Variants in ASZ1 observed in about 807,000 individuals in gnomAD.
ASZ1 encodes ankyrin repeat, SAM and basic leucine zipper domain-containing protein 1.
A neutral mutation model predicts 61.8 loss-of-function variants in ASZ1; 67 were observed. That is an observed-to-expected ratio of 1.08 (90% CI 0.89 to 1.33). The LOEUF (loss-of-function observed/expected upper bound fraction) is 1.33. Ranked by LOEUF, ASZ1 falls within the 40% of genes most tolerant of loss-of-function variation. ASZ1 has a pLI of 0.00. For missense variants in ASZ1, 577 were observed against 554.5 expected, an observed-to-expected ratio of 1.04 and a Z score of -0.41; for synonymous variants, 193 against 192.7, an observed-to-expected ratio of 1.00 and a Z score of -0.01.
chr7:117,414,077 T>C (rs1445154857), intron 4 of ASZ1, among the ~76,000 whole-genome samples: 1 of 152,002 alleles, frequency 6.6e-6, no homozygotes, highest in Non-Finnish European at 1.5e-5. Flanking sequence ...TGAAAGATAT[T>C]GAGGATACAG....
Position 117,384,751 on chromosome 7 carries a change from A to T in ASZ1, c.662T>A (p.Ile221Asn). The change falls in exon 6 of 13, where the codon ATT becomes AAT. Residue 221 changes from isoleucine to asparagine, a missense_variant. Coordinates refer to ENST00000284629, the MANE Select transcript of ASZ1 (RefSeq NM_130768.3). ...CTCATGATGTTTGTTTCTTTTTGCA[A>T]TCTCACTTGGCATCTTTCCATCTTT... is the stretch of plus-strand genomic sequence containing the variant. ...QTKDGKMPSE[I>N]AKRNKHHEIF... The T allele has an allele frequency of 1.2e-6, 2 of 1,612,104 alleles. No individual in the cohort carries two copies. Among genetic ancestry groups the T allele is most frequent in the Non-Finnish European group, 1.7e-6 (2 of 1,179,126 alleles).
intron 5 of ASZ1, 145 bp from the exon 6 acceptor site, chr7:117,385,005 A>G (rs1449635007): frequency 1.3e-6 from 1 of 774,338 alleles, no homozygotes; most frequent in African/African-American, 1.8e-5. Context: ...ATTTTACAAT[A>G]TAATGTAAAC....
intron 4 of ASZ1, among the ~76,000 whole-genome samples, chr7:117,392,695 C>T (rs913994765): frequency 3.3e-5 from 5 of 151,938 alleles, no homozygotes; most frequent in African/African-American, 4.8e-5. Context: ...TTTAATTTGC[C>T]GATAAATGAA....
chr7:117,364,966 C>CTG (rs1554359230), intron 12 of ASZ1, among the ~76,000 whole-genome samples: 22 of 152,246 alleles, frequency 1.4e-4, no homozygotes, highest in African/African-American at 5.3e-4. Flanking sequence ...CACCCTCTCT[C>CTG]TGTTACCTCC....
intron 4 of ASZ1, among the ~76,000 whole-genome samples, chr7:117,407,401 C>T (rs1471445588): frequency 1.3e-5 from 2 of 150,004 alleles, no homozygotes; most frequent in Non-Finnish European, 3.0e-5. Context: ...ACTGATAGAA[C>T]ACGGAAGTAA....
chr7:117,370,001 A>G (rs1417062406), intron 10 of ASZ1, among the ~76,000 whole-genome samples: 1 of 152,140 alleles, frequency 6.6e-6, no homozygotes, highest in East Asian at 1.9e-4. Flanking sequence ...CCTAGTACAT[A>G]GCTGGTGTTC....
At chr7:117,385,568 C>G (rs1279509156) in intron 5 of ASZ1, 130 bp downstream of exon 5, 1 of 757,710 alleles carries the variant, frequency 1.3e-6, no homozygotes, top group African/African-American at 1.8e-5. Flanking sequence ...TCTATTTCAA[C>G]TGTTGCTTTT....
At chr7:117,399,800 G>T (rs1796645802) in intron 4 of ASZ1, among the ~76,000 whole-genome samples, 1 of 152,002 alleles carries the variant, frequency 6.6e-6, no homozygotes, top group African/African-American at 2.4e-5. Flanking sequence ...GTTTCAGAAT[G>T]CCGTAAATAT....
chr7:117,399,038 G>A (rs751311467), intron 4 of ASZ1, among the ~76,000 whole-genome samples: 28 of 152,122 alleles, frequency 1.8e-4, no homozygotes, highest in Admixed American at 1.7e-3. Context: ...AAACCAGACT[G>A]GGCAACATAG....
chr7:117,370,939 C>A (rs1400665969), intron 10 of ASZ1, among the ~76,000 whole-genome samples: 1 of 151,766 alleles, frequency 6.6e-6, no homozygotes, highest in Non-Finnish European at 1.5e-5. Context: ...ATTCTCATGC[C>A]TCAGCCACCT....
intron 4 of ASZ1, among the ~76,000 whole-genome samples, chr7:117,410,431 T>G (rs1796868129): frequency 6.6e-6 from 1 of 151,700 alleles, no homozygotes; most frequent in African/African-American, 2.4e-5. Context: ...CAAAATACAT[T>G]TTTGCTTAAT....
At chr7:117,426,792 C>T (rs1332650306) in intron 2 of ASZ1, 44 bp downstream of exon 2, 3 of 1,503,492 alleles carry the variant, frequency 2.0e-6, no homozygotes, top group East Asian at 4.5e-5. Flanking sequence ...TCCTTGCGAA[C>T]TTAAGACAGC....
At chr7:117,426,762 A>T (rs1236570673) in intron 2 of ASZ1, 74 bp downstream of exon 2, 1 of 1,303,660 alleles carries the variant, frequency 7.7e-7, no homozygotes, top group Non-Finnish European at 1.1e-6. Flanking sequence ...AAGCAACATA[A>T]ACCTTTTAAA....
chr7:117,372,151 T>C (rs1796061429), intron 10 of ASZ1, among the ~76,000 whole-genome samples: 1 of 152,130 alleles, frequency 6.6e-6, no homozygotes, highest in Non-Finnish European at 1.5e-5. Flanking sequence ...TTTGTGCTTA[T>C]TTAAAAAATT....
chr7:117,381,080 A>AAAAAAAGGC lies in ASZ1; in HGVS notation c.889-22_889-14dup, dbSNP rs758791076. The stretch of plus-strand genomic sequence containing the variant: ...TTATATCCCTTTCCTGTATAAAAGG[A>AAAAAAAGGC]AAAAAAGGCCACCTTTCCATATAAT... On this transcript the variant is annotated splice_polypyrimidine_tract_variant and intron_variant, in intron 8 of 12. Coordinates refer to ENST00000284629, the MANE Select transcript of ASZ1 (RefSeq NM_130768.3). 1 of 1,533,242 alleles carries AAAAAAAGGC rather than the reference A, an allele frequency of 6.5e-7. No individual in the cohort carries two copies. The highest frequency in any genetic ancestry group is 8.8e-7 in the Non-Finnish European group (1 of 1,133,614). 95.0% of individuals were successfully genotyped at this position (1,533,242 alleles called of 1,614,324 possible). A position where few individuals can be genotyped will look rare whatever the true frequency, so the allele number is the denominator to read the frequency against.
chr7:117,402,034 C>G (rs1796691338), intron 4 of ASZ1, among the ~76,000 whole-genome samples: 1 of 152,014 alleles, frequency 6.6e-6, no homozygotes, highest in Admixed American at 6.6e-5. Context: ...GTATGTGCAG[C>G]CAAATGCTGT....
At chr7:117,392,679 C>T (rs1796494107) in intron 4 of ASZ1, among the ~76,000 whole-genome samples, 1 of 152,052 alleles carries the variant, frequency 6.6e-6, no homozygotes, top group African/African-American at 2.4e-5. Flanking sequence ...ACTGTTCATA[C>T]AATGTTTTAA....
chr7:117,376,753 A>G (rs749500166), intron 10 of ASZ1, among the ~76,000 whole-genome samples: 7 of 152,182 alleles, frequency 4.6e-5, no homozygotes, highest in Non-Finnish European at 8.8e-5. Flanking sequence ...CATGATAAAA[A>G]CTTTTAGAAA....
intron 6 of ASZ1, 54 bp from the exon 7 acceptor site, chr7:117,383,164 CACTTAAA>C (rs1796287632): frequency 7.1e-7 from 1 of 1,411,292 alleles, no homozygotes; most frequent in South Asian, 1.6e-5. Context: ...CTGTAACTTA[CACTTAAA>C]AGAAACTGAA....
Sources: gnomAD v4.1 joint callset for allele counts (sites outside exome capture counted in the v4.1 genomes callset) on GRCh38, gnomAD v4.1.1 for gene constraint, MANE v1.5 for transcripts, NCBI Gene and HGNC (gene_info 2026-07-23, HGNC 2026-07-21) for gene names.